The following DCAF6 variants were observed in gnomAD, a reference collection of about 807,000 sequenced individuals.
DCAF6 encodes the protein DDB1- and CUL4-associated factor 6.
DCAF6 carries 54 observed loss-of-function variants against 125.1 expected under a neutral mutation model. The ratio of observed to expected loss-of-function variants is 0.43; its 90% CI spans 0.35 to 0.54. The LOEUF is 0.54. Among genes scored for constraint, DCAF6 ranks in the 20% least tolerant of loss-of-function variants. The probability of loss-of-function intolerance (pLI) is 0.01; values close to 1 mark genes in which losing one functional copy is unlikely to be tolerated. For missense variants in DCAF6, 934 were observed against 1,161.7 expected (o/e 0.80, Z 2.85); for synonymous variants, 371 against 390.4 (o/e 0.95, Z 0.58).
chr1:168,045,541 A>G (rs1368361029), intron 16 of DCAF6, among the ~76,000 whole-genome samples: 1 of 152,200 alleles, frequency 6.6e-6, no homozygotes, highest in East Asian at 1.9e-4. Flanking sequence ...AGTCAAGGTT[A>G]TACTTAGCTC....
At chr1:168,062,128 T>G (rs1691669882) in intron 17 of DCAF6, among the ~76,000 whole-genome samples, 1 of 152,076 alleles carries the variant, frequency 6.6e-6, no homozygotes, top group South Asian at 2.1e-4. Context: ...CAAACATAAT[T>G]CTGAGCTAAA....
At chr1:168,073,449 C>T (rs958632367) in intron 21 of DCAF6, among the ~76,000 whole-genome samples, 2 of 152,204 alleles carry the variant, frequency 1.3e-5, no homozygotes, top group African/African-American at 4.8e-5. Context: ...AACTATTCTG[C>T]TTTCCTCATT....
chr1:167,962,195 G>T (rs1465189505), intron 2 of DCAF6, among the ~76,000 whole-genome samples: 1 of 152,086 alleles, frequency 6.6e-6, no homozygotes, highest in African/African-American at 2.4e-5. Context: ...GTCTATAAAT[G>T]TCCGTTATAT....
chr1:168,058,457 T>C (rs940817343), intron 17 of DCAF6, among the ~76,000 whole-genome samples: 10 of 152,262 alleles, frequency 6.6e-5, no homozygotes, highest in Admixed American at 5.9e-4. Context: ...CATATCTTGA[T>C]TTTTCTAATT....
At chr1:168,043,677 A>C (rs1033401611) in intron 14 of DCAF6, among the ~76,000 whole-genome samples, 2 of 152,170 alleles carry the variant, frequency 1.3e-5, no homozygotes, top group Non-Finnish European at 2.9e-5. Flanking sequence ...TTGATTAATG[A>C]AGGAATAAAT....
the DCAF6 span, among the ~76,000 whole-genome samples, chr1:167,924,792 T>C: frequency 5.1e-4 from 77 of 152,278 alleles, no homozygotes; most frequent in Middle Eastern, 3.4e-3. Flanking sequence ...TCAGTAAATA[T>C]ACTGCCATAT....
chr1:168,074,399 T>G (rs1693550207), intron 21 of DCAF6, among the ~76,000 whole-genome samples: 1 of 152,122 alleles, frequency 6.6e-6, no homozygotes, highest in Non-Finnish European at 1.5e-5. Context: ...TCCATCTCAG[T>G]GATGGTAGTG....
At chr1:168,036,071 A>G (rs1173129318) in intron 12 of DCAF6, among the ~76,000 whole-genome samples, 1 of 152,194 alleles carries the variant, frequency 6.6e-6, no homozygotes, top group Admixed American at 6.5e-5. Context: ...CAAAAAAAAT[A>G]AAAACAAAAC....
At chr1:167,907,103 A>C in the DCAF6 span, among the ~76,000 whole-genome samples, 4 of 152,230 alleles carry the variant, frequency 2.6e-5, no homozygotes, top group Admixed American at 2.6e-4. Context: ...CTAGTCCCAG[A>C]CAACATATAT....
intron 12 of DCAF6, among the ~76,000 whole-genome samples, chr1:168,033,146 A>G (rs1310892490): frequency 6.6e-6 from 1 of 152,168 alleles, no homozygotes; most frequent in Non-Finnish European, 1.5e-5. Context: ...AAAAATAGTT[A>G]CTTTGTGATT....
the DCAF6 span, chr1:167,903,927 C>T: frequency 5.0e-6 from 8 of 1,613,914 alleles, no homozygotes; most frequent in East Asian, 2.2e-5. Flanking sequence ...GGATCTCCAC[C>T]AACTGCTCAG....
chr1:167,987,511 A>G lies in DCAF6; in HGVS notation c.455A>G (p.Asn152Ser), dbSNP rs752874636. 3.0e-5 allele frequency: 47 copies of G among 1,585,422 alleles called. No individual in the cohort carries two copies. The East Asian group carries it at 4.7e-4, about 16-fold the overall frequency. The part of the protein sequence containing the change: ...GTTYEIMTVP[N>S]DPYTFLSCGE... ...CATCTTCAGATTATGACTGTACCCAATGACCCTTACACTTTTCTCTCTTGT... is the reference window on the plus strand; with the variant it reads ...CATCTTCAGATTATGACTGTACCCAGTGACCCTTACACTTTTCTCTCTTGT... The change falls in exon 5 of 22, where the codon AAT (asparagine) becomes AGT (serine). Residue 152 changes from asparagine to serine, a missense_variant. Physicochemically the swap from Asn to Ser is conservative, Grantham distance 46 (BLOSUM62 1). Coordinates refer to ENST00000367840, the MANE Select transcript of DCAF6 (RefSeq NM_001198956.2).
At chr1:167,899,658 C>A in the DCAF6 span, 34 of 1,606,172 alleles carry the variant, frequency 2.1e-5, no homozygotes, top group Non-Finnish European at 2.8e-5. Flanking sequence ...TAGGTTTGCA[C>A]AAGAAGTTCT....
chr1:168,045,124 G>A lies in DCAF6; in HGVS notation c.2155G>A (p.Glu719Lys), dbSNP rs1366515550. The A allele has an allele frequency of 2.5e-6, 4 of 1,613,908 alleles. No individual in the cohort carries two copies. Among genetic ancestry groups the A allele is most frequent in the East Asian group, 2.2e-5 (1 of 44,904 alleles). ...AGAAGCCACTGGGCCTTCAGCTCAT[G>A]AAGAAACATCCACCAGGGACTCTGC... ...QTEATGPSAHEETSTRDSALQ... is the reference protein window; with the variant it reads ...QTEATGPSAHKETSTRDSALQ... Residue 719 changes from glutamate (E) to lysine (K), a missense_variant, in exon 16 of 22, where the codon GAA becomes AAA. Physicochemically the swap from Glu to Lys is moderately conservative, Grantham distance 56. Transcript: ENST00000367840.
chr1:167,899,976 G>T, the DCAF6 span, among the ~76,000 whole-genome samples: 11 of 152,116 alleles, frequency 7.2e-5, no homozygotes, highest in African/African-American at 2.7e-4. Flanking sequence ...GGGAGAATTT[G>T]CATTTTAGCA....
intron 11 of DCAF6, among the ~76,000 whole-genome samples, chr1:168,019,242 A>T (rs1001138257): frequency 2.0e-5 from 3 of 151,868 alleles, no homozygotes; most frequent in South Asian, 4.2e-4. Context: ...TAGAGATGGG[A>T]TTTCACCGTG....
the DCAF6 span, among the ~76,000 whole-genome samples, chr1:167,928,462 A>G: frequency 6.6e-6 from 1 of 152,220 alleles, no homozygotes; most frequent in South Asian, 2.1e-4. Context: ...ATAAAGCTAG[A>G]CAGGTAAATT....
the DCAF6 span, among the ~76,000 whole-genome samples, chr1:167,876,842 G>A: frequency 6.6e-6 from 1 of 152,170 alleles, no homozygotes; most frequent in Non-Finnish European, 1.5e-5. Context: ...ATAGGAAGAG[G>A]CTTGAAAAAT....
upstream of DCAF6, chr1:167,936,143 G>T (rs562556771): frequency 4.5e-5 from 16 of 355,188 alleles, no homozygotes; most frequent in Non-Finnish European, 8.5e-5. Context: ...CCAAGTCTGC[G>T]CTGCGCCCTG....
Sources: allele counts gnomAD v4.1 joint callset (sites outside exome capture counted in the v4.1 genomes callset), GRCh38; gene constraint gnomAD v4.1.1; transcripts MANE v1.5; gene names NCBI Gene and HGNC (gene_info 2026-07-23, HGNC 2026-07-21).